The following DNM3 variants were observed in gnomAD, a reference collection of about 807,000 sequenced individuals.
DNM3 encodes the protein dynamin 3, also known as dynamin-3.
In DNM3, 47 loss-of-function variants were observed where a neutral mutation model predicts 101.6. The ratio of observed to expected loss-of-function variants is 0.46; its 90% CI spans 0.37 to 0.59. The LOEUF is 0.59. DNM3 is among the 20% of genes least tolerant of loss of function. The probability of loss-of-function intolerance (pLI) is 0.00; values close to 1 mark genes in which losing one functional copy is unlikely to be tolerated. For synonymous variants in DNM3, 385 were observed against 387.9 expected, an observed-to-expected ratio of 0.99 and a Z score of 0.09; for missense variants, 849 against 1,085.7, an observed-to-expected ratio of 0.78 and a Z score of 3.06.
At chr1:172,062,689 A>T (rs2051334901) in intron 10 of DNM3, among the ~76,000 whole-genome samples, 1 of 152,102 alleles carries the variant, frequency 6.6e-6, no homozygotes, top group Non-Finnish European at 1.5e-5. Context: ...TTGACTTCTC[A>T]TATGCCACTC....
intron 15 of DNM3, among the ~76,000 whole-genome samples, chr1:172,267,234 C>T (rs1354482805): frequency 6.6e-6 from 1 of 152,204 alleles, no homozygotes; most frequent in Non-Finnish European, 1.5e-5. Flanking sequence ...CAGGGCCTAA[C>T]ACAGTGCCTG....
At chr1:171,976,043 A>G (rs1297292737) in intron 2 of DNM3, among the ~76,000 whole-genome samples, 1 of 142,648 alleles carries the variant, frequency 7.0e-6, no homozygotes, top group Non-Finnish European at 1.6e-5. Context: ...AAATAGATCA[A>G]TGGAACAGGA....
intron 2 of DNM3, among the ~76,000 whole-genome samples, chr1:171,954,478 G>T (rs932346820): frequency 4.6e-5 from 7 of 152,106 alleles, no homozygotes; most frequent in African/African-American, 1.4e-4. Context: ...TTAATTTCTG[G>T]ATGCAAAGTA....
At chr1:172,297,017 C>T (rs1169339210) in intron 15 of DNM3, among the ~76,000 whole-genome samples, 3 of 151,918 alleles carry the variant, frequency 2.0e-5, no homozygotes, top group Non-Finnish European at 2.9e-5. Context: ...GTGGCATGTT[C>T]CTGTAATCAC....
chr1:172,387,961 C>T (rs765532867), intron 19 of DNM3, among the ~76,000 whole-genome samples: 7 of 151,960 alleles, frequency 4.6e-5, no homozygotes, highest in African/African-American at 4.8e-5. Flanking sequence ...ATGCCAGGCG[C>T]GGTGGCTCAC....
intron 14 of DNM3, chr1:172,133,207 G>A (rs1372816926): frequency 1.6e-6 from 2 of 1,242,634 alleles, no homozygotes; most frequent in African/African-American, 3.1e-5. Flanking sequence ...AAGCCCATTG[G>A]AAGGTATAGG....
At chr1:171,912,880 A>G (rs1368936057) in intron 1 of DNM3, among the ~76,000 whole-genome samples, 1 of 152,220 alleles carries the variant, frequency 6.6e-6, no homozygotes, top group African/African-American at 2.4e-5. Flanking sequence ...GCTTTTTGCC[A>G]TTCGTTTTCC....
chr1:172,229,503 A>G (rs1200429609), intron 14 of DNM3, among the ~76,000 whole-genome samples: 1 of 152,178 alleles, frequency 6.6e-6, no homozygotes, highest in Non-Finnish European at 1.5e-5. Flanking sequence ...AGCAGTTTCT[A>G]CAGGATGTGA....
At chr1:172,051,275 G>A (rs142896060) in intron 10 of DNM3, among the ~76,000 whole-genome samples, 4 of 152,172 alleles carry the variant, frequency 2.6e-5, no homozygotes, top group African/African-American at 9.6e-5. Context: ...CCCAGGTGGT[G>A]CCAGCTGTAC....
intron 14 of DNM3, among the ~76,000 whole-genome samples, chr1:172,169,392 TTTTCATGAAATCATG>T (rs1450568610): frequency 1.3e-5 from 2 of 151,968 alleles, no homozygotes; most frequent in Non-Finnish European, 2.9e-5. Context: ...CATTCTGTTA[TTTTCATGAAATCATG>T]AAGAATCCCA....
intron 13 of DNM3, among the ~76,000 whole-genome samples, chr1:172,103,808 C>T (rs2054822191): frequency 6.6e-6 from 1 of 152,172 alleles, no homozygotes; most frequent in Non-Finnish European, 1.5e-5. Context: ...CGAGACCATC[C>T]TGGCCAACAT....
chr1:172,073,620 A>T (rs919481989), intron 11 of DNM3, among the ~76,000 whole-genome samples: 1 of 152,198 alleles, frequency 6.6e-6, no homozygotes, highest in Non-Finnish European at 1.5e-5. Context: ...ATGTCTATGA[A>T]CTGTTGCCAT....
At chr1:172,217,046 A>G (rs980727990) in intron 14 of DNM3, among the ~76,000 whole-genome samples, 2 of 152,156 alleles carry the variant, frequency 1.3e-5, no homozygotes, top group Non-Finnish European at 2.9e-5. Context: ...TTGGGGTGAC[A>G]CATTTATAGT....
At chr1:171,980,489 A>G (rs1178086470) in intron 2 of DNM3, among the ~76,000 whole-genome samples, 1 of 152,020 alleles carries the variant, frequency 6.6e-6, no homozygotes, top group East Asian at 1.9e-4. Flanking sequence ...CTATTTGAAA[A>G]TATACAATTT....
chr1:172,033,007 T>G, intron 5 of DNM3, 98 bp from the exon 6 acceptor site: 1 of 1,419,310 alleles, frequency 7.0e-7, no homozygotes, highest in African/African-American at 1.4e-5. Flanking sequence ...TAAAACTAGT[T>G]TTGCCTTTCT....
chr1:172,061,133 C>A (rs2051155714), intron 10 of DNM3, among the ~76,000 whole-genome samples: 1 of 149,898 alleles, frequency 6.7e-6, no homozygotes, highest in South Asian at 2.1e-4. Flanking sequence ...AAATGCAAAT[C>A]AAAACCACAA....
intron 2 of DNM3, among the ~76,000 whole-genome samples, chr1:171,959,776 T>C (rs2043094417): frequency 6.6e-6 from 1 of 152,012 alleles, no homozygotes; most frequent in Non-Finnish European, 1.5e-5. Context: ...GGGGTGATTA[T>C]CAGTGTTAGA....
intron 15 of DNM3, among the ~76,000 whole-genome samples, chr1:172,308,261 C>T (rs1173391385): frequency 6.6e-6 from 1 of 152,172 alleles, no homozygotes; most frequent in African/African-American, 2.4e-5. Context: ...TTCCTTTTCA[C>T]AATTTAATGA....
intron 1 of DNM3, among the ~76,000 whole-genome samples, chr1:171,884,163 AGTTT>A (rs2036564117): frequency 6.6e-6 from 1 of 152,118 alleles, no homozygotes; most frequent in African/African-American, 2.4e-5. Context: ...AATATCCTAT[AGTTT>A]GTTAGTGGAA....
Sources: gnomAD v4.1 joint callset for allele counts (sites outside exome capture counted in the v4.1 genomes callset) on GRCh38, gnomAD v4.1.1 for gene constraint, MANE v1.5 for transcripts, NCBI Gene and HGNC (gene_info 2026-07-23, HGNC 2026-07-21) for gene names.